TENM2: variants seen among roughly 807,000 people sequenced by gnomAD.
TENM2 encodes the protein teneurin-2.
TENM2 carries 52 observed loss-of-function variants against 245.2 expected under a neutral mutation model. That is an observed-to-expected ratio of 0.21 (90% CI 0.17 to 0.27). The LOEUF (loss-of-function observed/expected upper bound fraction) is 0.27, where lower values mean the gene tolerates loss of function less well. Ranked by LOEUF, TENM2 falls within the 10% of genes least tolerant of loss-of-function variation. The probability of loss-of-function intolerance (pLI) is 1.00; values close to 1 mark genes in which losing one functional copy is unlikely to be tolerated. For missense variants in TENM2, 3,046 were observed against 3,666.8 expected (o/e 0.83, Z 4.37); for synonymous variants, 1,363 against 1,438.9 (o/e 0.95, Z 1.19).
chr5:167,510,064 G>A (rs1582244182), intron 2 of TENM2, among the ~76,000 whole-genome samples: 2 of 152,294 alleles, frequency 1.3e-5, no homozygotes, highest in Middle Eastern at 6.8e-3. Flanking sequence ...CCGTCATATA[G>A]ATTTGCATCG....
chr5:168,263,342 C>G (rs924067721), downstream of TENM2: 3 of 154,186 alleles, frequency 1.9e-5, no homozygotes, highest in Admixed American at 6.4e-5. Flanking sequence ...ACCACTCAGA[C>G]TGCTTGTAGG....
chr5:167,441,140 C>T (rs1188429463), intron 2 of TENM2, among the ~76,000 whole-genome samples: 2 of 152,204 alleles, frequency 1.3e-5, no homozygotes, highest in Non-Finnish European at 2.9e-5. Context: ...TGCTCTCATT[C>T]ATGGAGAGTT....
chr5:167,302,520 G>A (rs1010492851), intron 1 of TENM2, among the ~76,000 whole-genome samples: 9 of 150,150 alleles, frequency 6.0e-5, no homozygotes, highest in Admixed American at 3.3e-4. Context: ...AGAGGTCGGG[G>A]CATGGAAATA....
At chr5:167,842,580 C>CAAAA (rs1160974467) in intron 2 of TENM2, among the ~76,000 whole-genome samples, 17 of 45,322 alleles carry the variant, frequency 3.8e-4, no homozygotes, top group South Asian at 7.7e-4. Context: ...GACTCCATGT[C>CAAAA]AAAAAAAAAA....
chr5:166,986,990 T>C, the TENM2 span, among the ~76,000 whole-genome samples: 1 of 152,152 alleles, frequency 6.6e-6, no homozygotes, highest in African/African-American at 2.4e-5. Context: ...TAAAACTTGC[T>C]CTCAGCAGGA....
intron 3 of TENM2, among the ~76,000 whole-genome samples, chr5:167,901,180 C>G (rs973445096): frequency 2.0e-5 from 3 of 151,582 alleles, no homozygotes; most frequent in African/African-American, 7.3e-5. Flanking sequence ...TTCCTTTTCT[C>G]TTTCTCTTTC....
chr5:167,187,754 A>G, the TENM2 span, among the ~76,000 whole-genome samples: 5 of 152,092 alleles, frequency 3.3e-5, no homozygotes, highest in East Asian at 9.7e-4. Flanking sequence ...TTCTCATTCA[A>G]TCTGTTCTCC....
intron 2 of TENM2, among the ~76,000 whole-genome samples, chr5:167,593,693 A>G (rs1246438621): frequency 6.6e-6 from 1 of 152,234 alleles, no homozygotes; most frequent in Non-Finnish European, 1.5e-5. Context: ...ATGATAATGC[A>G]AATACTCCAT....
the TENM2 span, among the ~76,000 whole-genome samples, chr5:167,170,461 T>G: frequency 6.6e-5 from 10 of 152,196 alleles, no homozygotes; most frequent in Admixed American, 5.9e-4. Context: ...GATAGTGATA[T>G]GCCTCTTATG....
At chr5:167,764,037 C>T (rs1173859054) in intron 2 of TENM2, among the ~76,000 whole-genome samples, 1 of 152,062 alleles carries the variant, frequency 6.6e-6, no homozygotes, top group Admixed American at 6.6e-5. Flanking sequence ...CATTGCGTGT[C>T]TCTGTGTTGG....
intron 2 of TENM2, among the ~76,000 whole-genome samples, chr5:167,816,530 C>T (rs966455544): frequency 6.6e-6 from 1 of 152,168 alleles, no homozygotes; most frequent in Non-Finnish European, 1.5e-5. Context: ...CCTGTGGAAA[C>T]AGGAAGTGGA....
the TENM2 span, among the ~76,000 whole-genome samples, chr5:167,066,730 A>C: frequency 6.6e-6 from 1 of 152,160 alleles, no homozygotes; most frequent in Non-Finnish European, 1.5e-5. Context: ...ATTTTTGTTA[A>C]TGATTTCAAA....
the TENM2 span, among the ~76,000 whole-genome samples, chr5:167,051,843 C>T: frequency 2.0e-5 from 3 of 152,158 alleles, no homozygotes; most frequent in African/African-American, 4.8e-5. Flanking sequence ...TGAATTCCCT[C>T]ATATTTGCCC....
chr5:167,869,242 A>G (rs577828186), intron 2 of TENM2, among the ~76,000 whole-genome samples: 49 of 152,362 alleles, frequency 3.2e-4, no homozygotes, highest in Middle Eastern at 6.8e-3. Context: ...ATTACGTATT[A>G]CATCTGTTGG....
intron 2 of TENM2, among the ~76,000 whole-genome samples, chr5:167,467,604 A>T (rs548132767): frequency 6.6e-6 from 1 of 151,944 alleles, no homozygotes; most frequent in African/African-American, 2.4e-5. Context: ...AGCCCTTCTA[A>T]ATTTCACGAA....
At chr5:167,261,013 A>T in the TENM2 span, among the ~76,000 whole-genome samples, 2 of 152,182 alleles carry the variant, frequency 1.3e-5, no homozygotes, top group Non-Finnish European at 2.9e-5. Context: ...ATGAGAAAAC[A>T]TGGAAAACTT....
At chr5:167,876,250 A>G in intron 3 of TENM2, 55 bp downstream of exon 5, 1 of 1,399,362 alleles carries the variant, frequency 7.1e-7, no homozygotes, top group Non-Finnish European at 9.9e-7. Flanking sequence ...GACATTCTTG[A>G]TTCTCCACCA....
At chr5:167,139,425 A>G in the TENM2 span, among the ~76,000 whole-genome samples, 4 of 152,228 alleles carry the variant, frequency 2.6e-5, no homozygotes, top group Non-Finnish European at 5.9e-5. Context: ...CTTAAATTGT[A>G]TGACACATAG....
intron 2 of TENM2, among the ~76,000 whole-genome samples, chr5:167,458,227 C>A (rs1052873865): frequency 2.0e-5 from 3 of 152,034 alleles, no homozygotes; most frequent in Non-Finnish European, 4.4e-5. Flanking sequence ...TGGCTCACGC[C>A]TGTAATCCCA....
Sources: allele counts gnomAD v4.1 joint callset (sites outside exome capture counted in the v4.1 genomes callset), GRCh38; gene constraint gnomAD v4.1.1; transcripts MANE v1.5; gene names NCBI Gene and HGNC (gene_info 2026-07-23, HGNC 2026-07-21).